The following RGS6 variants were observed in gnomAD, a reference collection of about 807,000 sequenced individuals.
RGS6 encodes regulator of G-protein signaling 6.
In RGS6, 30 loss-of-function variants were observed where a neutral mutation model predicts 78.5. The ratio of observed to expected loss-of-function variants is 0.38; its 90% CI spans 0.29 to 0.52. RGS6 has a LOEUF of 0.52. RGS6 is among the 20% of genes least tolerant of loss of function. The pLI, the probability that RGS6 is intolerant of heterozygous loss-of-function variation, is 0.85. For synonymous variants in RGS6, 206 were observed against 206.0 expected, an observed-to-expected ratio of 1.00 and a Z score of 0.00; for missense variants, 495 against 609.7, an observed-to-expected ratio of 0.81 and a Z score of 1.98.
chr14:71,907,851 C>T, the RGS6 span, among the ~76,000 whole-genome samples: 2 of 152,038 alleles, frequency 1.3e-5, no homozygotes, highest in Non-Finnish European at 2.9e-5. Flanking sequence ...GAAGCTTCCT[C>T]TAGTGTATAT....
chr14:71,893,272 G>A, the RGS6 span, among the ~76,000 whole-genome samples: 1 of 152,214 alleles, frequency 6.6e-6, no homozygotes, highest in East Asian at 1.9e-4. Context: ...CTGATGAAAT[G>A]AGGGTCTTTA....
chr14:72,562,554 C>A lies in RGS6; in HGVS notation c.*87C>A. ...CACATCTGCGGACAGAGTTTCCTTA[C>A]GAGGAGACTTGGTCACTGTGAAGGA... On this transcript the variant is annotated 3_prime_UTR_variant, in exon 18 of 18. Transcript: ENST00000553525. The A allele has an allele frequency of 1.3e-6, 2 of 1,583,926 alleles. No individual in the cohort carries two copies. Among genetic ancestry groups the A allele is most frequent in the Non-Finnish European group, 8.5e-7 (1 of 1,171,328 alleles).
intron 3 of RGS6, among the ~76,000 whole-genome samples, chr14:72,426,511 T>A (rs919114066): frequency 1.3e-5 from 2 of 152,228 alleles, no homozygotes; most frequent in Non-Finnish European, 2.9e-5. Context: ...AAAGATACAT[T>A]TATTATTCCC....
intron 2 of RGS6, among the ~76,000 whole-genome samples, chr14:72,108,141 C>G (rs923272453): frequency 2.0e-5 from 3 of 152,080 alleles, no homozygotes; most frequent in African/African-American, 4.8e-5. Flanking sequence ...AACAGAATAC[C>G]TTGTGTTCTT....
intron 2 of RGS6, among the ~76,000 whole-genome samples, chr14:72,129,456 AC>A (rs1364829137): frequency 6.6e-6 from 1 of 152,140 alleles, no homozygotes; most frequent in Non-Finnish European, 1.5e-5. Flanking sequence ...CACACACCTC[AC>A]CCTGGCTGTG....
chr14:72,566,798 C>G (rs932340729), downstream of RGS6, among the ~76,000 whole-genome samples: 5 of 152,112 alleles, frequency 3.3e-5, no homozygotes, highest in East Asian at 9.6e-4. Context: ...GGCTGAAGTC[C>G]CTGACTCTGC....
At chr14:72,377,914 A>G (rs2085167034) in intron 3 of RGS6, among the ~76,000 whole-genome samples, 1 of 152,184 alleles carries the variant, frequency 6.6e-6, no homozygotes, top group African/African-American at 2.4e-5. Flanking sequence ...AGAGGGTTGC[A>G]GTAAGGATGC....
At chr14:71,912,053 C>G in the RGS6 span, among the ~76,000 whole-genome samples, 1 of 152,106 alleles carries the variant, frequency 6.6e-6, no homozygotes, top group African/African-American at 2.4e-5. Context: ...CAAAGCATCC[C>G]GTAAGCAGCC....
intron 15 of RGS6, among the ~76,000 whole-genome samples, chr14:72,520,515 T>C (rs1474684252): frequency 6.6e-6 from 1 of 152,218 alleles, no homozygotes. Context: ...ATTAGTTAAT[T>C]AGAGGTTACA....
chr14:72,138,100 T>A (rs1287104436), intron 2 of RGS6, among the ~76,000 whole-genome samples: 1 of 152,164 alleles, frequency 6.6e-6, no homozygotes. Context: ...ATATATCTTA[T>A]TATAAATCAC....
At chr14:72,389,334 T>C (rs1346559591) in intron 3 of RGS6, among the ~76,000 whole-genome samples, 2 of 152,156 alleles carry the variant, frequency 1.3e-5, no homozygotes, top group African/African-American at 4.8e-5. Context: ...AGGAGACTGC[T>C]TTGCCCAGTA....
intron 3 of RGS6, among the ~76,000 whole-genome samples, chr14:72,364,047 G>A (rs1417475452): frequency 1.4e-5 from 2 of 147,094 alleles, no homozygotes; most frequent in Non-Finnish European, 3.0e-5. Flanking sequence ...ATATGATGGA[G>A]TTCTCAATGG....
At chr14:72,473,016 A>G in intron 9 of RGS6, 63 bp downstream of exon 9, 2 of 1,227,752 alleles carry the variant, frequency 1.6e-6, no homozygotes, top group East Asian at 2.5e-5. Flanking sequence ...TTATCTCTAT[A>G]AAGAAAAGAC....
chr14:72,069,625 A>C (rs1020278808), intron 2 of RGS6, among the ~76,000 whole-genome samples: 10 of 151,924 alleles, frequency 6.6e-5, no homozygotes, highest in African/African-American at 2.4e-4. Flanking sequence ...TGCAGCCTCG[A>C]CCTCCCTGGG....
Position 72,257,871 on chromosome 14 carries a change from A to T in RGS6, c.85-94224A>T, listed in dbSNP as rs77397528. 3.5e-3 allele frequency among the ~76,000 whole-genome samples: 533 copies of T among 152,328 alleles called. 17 individuals carry two copies. The East Asian group carries it at 0.086, about 25-fold the overall frequency. On this transcript the variant is annotated intron_variant, in intron 2 of 17. Coordinates refer to ENST00000553525, the MANE Select transcript of RGS6 (RefSeq NM_001204424.2). The stretch of plus-strand genomic sequence containing the variant: ...TTCCATGAAGTCAATGGAAAAGAAG[A>T]GTTCTACTGCTTAAACAAGTTTAAA...
At chr14:72,051,576 C>T (rs2093245868) in intron 2 of RGS6, among the ~76,000 whole-genome samples, 1 of 152,212 alleles carries the variant, frequency 6.6e-6, no homozygotes, top group African/African-American at 2.4e-5. Context: ...ACTTGAAAGG[C>T]AGGGCTGTTG....
At chr14:72,536,662 TC>T (rs1214493606) in intron 16 of RGS6, among the ~76,000 whole-genome samples, 4 of 152,116 alleles carry the variant, frequency 2.6e-5, no homozygotes, top group African/African-American at 9.7e-5. Flanking sequence ...CCCCTTCACC[TC>T]AGACTTCTCT....
intron 2 of RGS6, among the ~76,000 whole-genome samples, chr14:71,998,497 C>A (rs2082799685): frequency 6.6e-6 from 1 of 152,236 alleles, no homozygotes; most frequent in Non-Finnish European, 1.5e-5. Context: ...AAAGCTGGGA[C>A]TGGAAAGCCA....
chr14:72,592,670 T>A, the RGS6 span, among the ~76,000 whole-genome samples: 1 of 152,230 alleles, frequency 6.6e-6, no homozygotes, highest in African/African-American at 2.4e-5. Context: ...GCTGTGGGCC[T>A]CACCCTTTCC....
Sources: gnomAD v4.1 joint callset for allele counts (sites outside exome capture counted in the v4.1 genomes callset) on GRCh38, gnomAD v4.1.1 for gene constraint, MANE v1.5 for transcripts, NCBI Gene and HGNC (gene_info 2026-07-23, HGNC 2026-07-21) for gene names.